KIAA0319: variants seen among roughly 807,000 people sequenced by gnomAD.
The protein encoded by KIAA0319 is dyslexia-associated protein KIAA0319.
In KIAA0319, 83 loss-of-function variants were observed where a neutral mutation model predicts 108.4. That is an observed-to-expected ratio of 0.77 (90% CI 0.64 to 0.92). The LOEUF (loss-of-function observed/expected upper bound fraction) is 0.92. Ranked by LOEUF, KIAA0319 falls within the 40% of genes least tolerant of loss-of-function variation. The pLI is 0.00. For synonymous variants in KIAA0319, 484 were observed against 510.4 expected, an observed-to-expected ratio of 0.95 and a Z score of 0.70; for missense variants, 1,195 against 1,322.4, an observed-to-expected ratio of 0.90 and a Z score of 1.49.
intron 11 of KIAA0319, among the ~76,000 whole-genome samples, chr6:24,571,130 T>G (rs1003463484): frequency 2.0e-5 from 3 of 151,778 alleles, no homozygotes; most frequent in Non-Finnish European, 4.4e-5. Flanking sequence ...AGGCAGAGAT[T>G]GCAGTGAGTC....
intron 16 of KIAA0319, 148 bp from the exon 17 acceptor site, chr6:24,559,303 A>C: frequency 1.3e-6 from 1 of 761,884 alleles, no homozygotes; most frequent in South Asian, 2.0e-5. Flanking sequence ...TCTGTGAGCC[A>C]AGGAATTGAT....
intron 1 of KIAA0319, among the ~76,000 whole-genome samples, chr6:24,620,141 A>G (rs989974804): frequency 2.0e-5 from 3 of 152,232 alleles, no homozygotes; most frequent in Non-Finnish European, 4.4e-5. Flanking sequence ...TCAGACATGA[A>G]AAAAGTATGC....
rs699463 is a variant in KIAA0319, at chr6:24,544,675, G to A, written c.*2490C>T. ...CAGCAACTAAAGTGCTTGTTAGCCT[G>A]TGAGCCCTACAAACACCCACTCCCA... On this transcript the variant is annotated 3_prime_UTR_variant, in exon 21 of 21. Coordinates refer to ENST00000378214, the MANE Select transcript of KIAA0319 (RefSeq NM_014809.4). The A allele has an allele frequency of 0.26, 40,041 of 152,044 alleles. 5,518 individuals are homozygous for A. Among genetic ancestry groups the A allele is most frequent in the African/African-American group, 0.32 (13,387 of 41,458 alleles). 9.4% of individuals were successfully genotyped at this position (152,044 alleles called of 1,614,324 possible).
At chr6:24,566,007 T>C (rs1763858945) in intron 14 of KIAA0319, among the ~76,000 whole-genome samples, 1 of 152,108 alleles carries the variant, frequency 6.6e-6, no homozygotes, top group South Asian at 2.1e-4. Flanking sequence ...CCATCCAAAG[T>C]CTGTTCAGGA....
rs1028616892 is a variant in KIAA0319, at chr6:24,546,302, C to CTTTG, written c.*862_*863insCAAA. The CTTTG allele has an allele frequency of 2.0e-5, 3 of 152,048 alleles. No homozygotes were observed. Among genetic ancestry groups the CTTTG allele is most frequent in the African/African-American group, 7.3e-5 (3 of 41,366 alleles). 9.4% of individuals were successfully genotyped at this position (152,048 alleles called of 1,614,324 possible). ...TTATCCCTATCTATGGCAGTCCAAA[C>CTTTG]GCACAGCCTACAGAACATAATAAAT... On this transcript the variant is annotated 3_prime_UTR_variant, in exon 21 of 21. Coordinates refer to ENST00000378214, the MANE Select transcript of KIAA0319 (RefSeq NM_014809.4).
rs1173235539 is a variant in KIAA0319 at position 24,553,304 on chromosome 6, C to T, written c.2948+1237G>A. On this transcript the variant is annotated intron_variant, in intron 19 of 20. Coordinates refer to ENST00000378214, the MANE Select transcript of KIAA0319 (RefSeq NM_014809.4). ...ATATATATATATATATACACACACA[C>T]ACACACACACACACACACACACACA... 8.4e-3 allele frequency among the ~76,000 whole-genome samples: 896 copies of T among 107,176 alleles called. 7 individuals are homozygous for T. Among genetic ancestry groups the T allele is most frequent in the African/African-American group, 0.021 (446 of 21,466 alleles). 70.3% of individuals were successfully genotyped at this position (107,176 alleles called of 152,430 possible).
At chr6:24,553,294 T>TATACACAC (rs1554142428) in intron 19 of KIAA0319, among the ~76,000 whole-genome samples, 1 of 91,064 alleles carries the variant, frequency 1.1e-5, no homozygotes, top group Non-Finnish European at 2.0e-5. Context: ...TATATATATA[T>TATACACAC]ACACACACAC....
In KIAA0319 at chr6:24,554,644, A is replaced by G. The variant is rs1414144058; in HGVS notation, c.2858-13T>C. The G allele has an allele frequency of 2.5e-6, 4 of 1,568,942 alleles. No homozygotes were observed. The highest frequency in any genetic ancestry group is 4.5e-5 in the East Asian group (2 of 44,708). ...AATATACTCCACTCTGAAACACAAG[A>G]AAACCAAAGTGGACATAGTTACAGG... is the stretch of plus-strand genomic sequence containing the variant. On this transcript the variant is annotated splice_polypyrimidine_tract_variant and intron_variant, in intron 18 of 20. Coordinates refer to ENST00000378214, the MANE Select transcript of KIAA0319 (RefSeq NM_014809.4).
chr6:24,548,257 G>T (rs1320048197), intron 20 of KIAA0319, among the ~76,000 whole-genome samples: 1 of 152,104 alleles, frequency 6.6e-6, no homozygotes, highest in Non-Finnish European at 1.5e-5. Flanking sequence ...TTAGGCTCAC[G>T]GAAACATAGA....
intron 9 of KIAA0319, among the ~76,000 whole-genome samples, chr6:24,576,972 T>C (rs531325810): frequency 6.6e-6 from 1 of 151,806 alleles, no homozygotes; most frequent in South Asian, 2.1e-4. Context: ...AAAAATAATA[T>C]GCCAAATCTC....
At chr6:24,558,365 C>CTACATAGATAGATAGA (rs372256630) in intron 17 of KIAA0319, among the ~76,000 whole-genome samples, 16 of 150,896 alleles carry the variant, frequency 1.1e-4, no homozygotes, top group African/African-American at 3.6e-4. Context: ...ATATATATAT[C>CTACATAGATAGATAGA]TAGATAGATA....
chr6:24,581,152 T>C, intron 6 of KIAA0319, 139 bp from the exon 7 acceptor site: 2 of 649,760 alleles, frequency 3.1e-6, no homozygotes, highest in South Asian at 3.3e-5. Context: ...CTCATTTGGA[T>C]CTGTCAAGAG....
At chr6:24,600,600 C>T in intron 2 of KIAA0319, 1 of 1,319,502 alleles carries the variant, frequency 7.6e-7, no homozygotes. Flanking sequence ...TCACCACCCT[C>T]AATCCTTGGT....
chr6:24,603,887 C>A (rs1237426920), intron 1 of KIAA0319, among the ~76,000 whole-genome samples: 1 of 152,032 alleles, frequency 6.6e-6, no homozygotes, highest in Non-Finnish European at 1.5e-5. Context: ...ACATAGGGGA[C>A]TGCCGTCGAC....
Position 24,599,079 on chromosome 6 carries a change from T to C in KIAA0319, c.55+1970A>G, listed in dbSNP as rs1199861040. The C allele has an allele frequency of 6.9e-6, 5 of 726,152 alleles. No individual in the cohort carries two copies. The highest frequency in any genetic ancestry group is 1.2e-5 in the Non-Finnish European group (5 of 413,686). The allele number at this position is 726,152 out of a possible 1,614,324, so 45.0% of individuals were successfully genotyped here. On this transcript the variant is annotated intron_variant, in intron 2 of 20. Coordinates refer to ENST00000378214, the MANE Select transcript of KIAA0319 (RefSeq NM_014809.4). The surrounding 1 kb of genome is among the most constrained non-coding windows in gnomAD (Gnocchi z 4.1). Reference sequence around the variant, plus strand: ...GCTGCAGTCCCAGATCTGGGACACATCTGTGGTGCTGTCCATGGACAACAG... The same window carrying C: ...GCTGCAGTCCCAGATCTGGGACACACCTGTGGTGCTGTCCATGGACAACAG...
chr6:24,599,342 C>T lies in KIAA0319; in HGVS notation c.55+1707G>A. 1.9e-6 allele frequency: 1 copy of T among 516,420 alleles called. No individual in the cohort carries two copies. Among genetic ancestry groups the T allele is most frequent in the Non-Finnish European group, 3.6e-6 (1 of 273,980 alleles). The allele number at this position is 516,420 out of a possible 1,614,324, so 32.0% of individuals were successfully genotyped here. On this transcript the variant is annotated intron_variant, in intron 2 of 20. Transcript: ENST00000378214. The surrounding 1 kb of genome is among the most constrained non-coding windows in gnomAD (Gnocchi z 4.1). The stretch of plus-strand genomic sequence containing the variant: ...AGGGCCTCAAAGGCTAGAGGGCTTC[C>T]CTAGAGGCCACCATTGTGGATGCGG...
rs991458100 is a variant in KIAA0319, at chr6:24,544,655, A to G, written c.*2510T>C. On this transcript the variant is annotated 3_prime_UTR_variant, in exon 21 of 21. Transcript: ENST00000378214. ...CTCCTTCATTGAATGTAAACCAGCA[A>G]CTAAAGTGCTTGTTAGCCTGTGAGC... The G allele has an allele frequency of 6.6e-6, 1 of 152,178 alleles. No homozygotes were observed. The highest frequency in any genetic ancestry group is 1.5e-5 in the Non-Finnish European group (1 of 68,046). 9.4% of individuals were successfully genotyped at this position (152,178 alleles called of 1,614,324 possible). A position where few individuals can be genotyped will look rare whatever the true frequency, so the allele number is the denominator to read the frequency against.
At chr6:24,642,484 GGAC>G (rs1777094458) in intron 1 of KIAA0319, among the ~76,000 whole-genome samples, 1 of 152,060 alleles carries the variant, frequency 6.6e-6, no homozygotes, top group Admixed American at 6.5e-5. Flanking sequence ...TCCTGGGAAG[GGAC>G]AGCCCATACT....
chr6:24,644,866 A>G (rs114624447), intron 1 of KIAA0319, among the ~76,000 whole-genome samples: 4,016 of 152,294 alleles, frequency 0.026, 161 homozygotes, highest in African/African-American at 0.089. Flanking sequence ...AGAGGAATTC[A>G]CCTTTCTCTG....
Sources: allele counts gnomAD v4.1 joint callset (sites outside exome capture counted in the v4.1 genomes callset), GRCh38; gene constraint gnomAD v4.1.1; non-coding constraint Gnocchi (gnomAD v3.1); transcripts MANE v1.5; gene names NCBI Gene and HGNC (gene_info 2026-07-23, HGNC 2026-07-21).